PBX3: variants seen among roughly 807,000 people sequenced by gnomAD.
The protein encoded by PBX3 is PBX homeobox 3, also known as pre-B-cell leukemia transcription factor 3.
PBX3 carries 14 observed loss-of-function variants against 48.5 expected under a neutral mutation model. The ratio of observed to expected loss-of-function variants is 0.29; its 90% CI spans 0.19 to 0.45. The LOEUF is 0.45. PBX3 is among the 20% of genes least tolerant of loss of function. The pLI, the probability that PBX3 is intolerant of heterozygous loss-of-function variation, is 1.00. For synonymous variants in PBX3, 210 were observed against 200.3 expected, an observed-to-expected ratio of 1.05 and a Z score of -0.41; for missense variants, 386 against 546.7, an observed-to-expected ratio of 0.71 and a Z score of 2.93.
In PBX3 at chr9:125,759,878, A is replaced by T. The variant is rs1289496410; in HGVS notation, c.274+11255A>T. Among the ~76,000 whole-genome samples the T allele has an allele frequency of 1.3e-5, 2 of 152,196 alleles. No individual in the cohort carries two copies. The highest frequency in any genetic ancestry group is 2.9e-5 in the Non-Finnish European group (2 of 68,016). ...CAGAGGTGGTAAAATAGTTATCTTCAGGCAGTGGCAGCCAGGAGCTGCTTG... is the reference window on the plus strand; with the variant it reads ...CAGAGGTGGTAAAATAGTTATCTTCTGGCAGTGGCAGCCAGGAGCTGCTTG... On this transcript the variant is annotated intron_variant, in intron 2 of 8. Coordinates refer to ENST00000373489, the MANE Select transcript of PBX3 (RefSeq NM_006195.6). This position sits in a 1 kb window ranked among gnomAD's most constrained non-coding sequence, Gnocchi z 4.2.
intron 2 of PBX3, among the ~76,000 whole-genome samples, chr9:125,900,072 A>T (rs568902609): frequency 6.8e-4 from 103 of 151,808 alleles, no homozygotes; most frequent in African/African-American, 2.4e-3. Flanking sequence ...TAAACTTAAA[A>T]CTTAACTTTA....
At chr9:125,796,564 T>C (rs1017298922) in intron 2 of PBX3, among the ~76,000 whole-genome samples, 9 of 152,152 alleles carry the variant, frequency 5.9e-5, no homozygotes, top group Non-Finnish European at 1.2e-4. Context: ...GGAAAAGAGA[T>C]ATATTGTCTG....
chr9:125,843,904 A>G (rs1180978129), intron 2 of PBX3: 8 of 428,274 alleles, frequency 1.9e-5, no homozygotes, highest in Admixed American at 5.0e-5. Context: ...TTAATGTAGT[A>G]TGGAGAGATG....
chr9:125,813,011 C>T (rs564064836), intron 2 of PBX3, among the ~76,000 whole-genome samples: 7 of 152,152 alleles, frequency 4.6e-5, no homozygotes, highest in East Asian at 1.9e-4. Context: ...TGCATACTAC[C>T]GCACACTTTA....
At chr9:125,814,917 A>G (rs1362712076) in intron 2 of PBX3, among the ~76,000 whole-genome samples, 1 of 152,218 alleles carries the variant, frequency 6.6e-6, no homozygotes, top group Non-Finnish European at 1.5e-5. Context: ...TGAAAACACT[A>G]TTCCCAATTG....
At chr9:125,786,634 T>G (rs1837463864) in intron 2 of PBX3, among the ~76,000 whole-genome samples, 1 of 152,062 alleles carries the variant, frequency 6.6e-6, no homozygotes, top group Non-Finnish European at 1.5e-5. Context: ...GGAATAGAGT[T>G]AAGAGCACAA....
intron 2 of PBX3, among the ~76,000 whole-genome samples, chr9:125,838,031 T>C (rs1454158125): frequency 6.6e-6 from 1 of 152,094 alleles, no homozygotes; most frequent in Non-Finnish European, 1.5e-5. Context: ...TTTGATACCA[T>C]ATGGAAAAAA....
intron 2 of PBX3, among the ~76,000 whole-genome samples, chr9:125,907,489 A>C (rs1186416175): frequency 6.6e-6 from 1 of 152,106 alleles, no homozygotes; most frequent in Non-Finnish European, 1.5e-5. Flanking sequence ...TATGATTTAA[A>C]GTGAATACCA....
intron 2 of PBX3, among the ~76,000 whole-genome samples, chr9:125,888,793 A>G (rs573156689): frequency 2.2e-4 from 33 of 152,298 alleles, no homozygotes; most frequent in African/African-American, 6.7e-4. Context: ...TGGCAGGCCA[A>G]TATAGTAGTC....
chr9:125,824,272 T>A (rs1375870963), intron 2 of PBX3, among the ~76,000 whole-genome samples: 4 of 151,880 alleles, frequency 2.6e-5, no homozygotes, highest in African/African-American at 9.7e-5. Context: ...ACCACTAGAG[T>A]GAAAAATGAC....
At chr9:125,918,803 A>T (rs905982187) in intron 3 of PBX3, among the ~76,000 whole-genome samples, 1 of 152,168 alleles carries the variant, frequency 6.6e-6, no homozygotes, top group East Asian at 1.9e-4. Context: ...CTCCAAAGTT[A>T]TTAGGATCGG....
At chr9:125,935,424 G>A (rs1163568785) in intron 4 of PBX3, 48 bp from the exon 5 acceptor site, 4 of 1,591,592 alleles carry the variant, frequency 2.5e-6, no homozygotes, top group Non-Finnish European at 2.6e-6. Context: ...TCCCTCTTAG[G>A]TTAATGCTGA....
At chr9:125,852,940 C>T (rs1200537453) in intron 2 of PBX3, among the ~76,000 whole-genome samples, 1 of 152,122 alleles carries the variant, frequency 6.6e-6, no homozygotes, top group African/African-American at 2.4e-5. Flanking sequence ...ATACTTAATA[C>T]TCCAGCTTTG....
intron 4 of PBX3, among the ~76,000 whole-genome samples, chr9:125,930,452 A>G (rs1488848105): frequency 6.6e-6 from 1 of 152,192 alleles, no homozygotes; most frequent in Non-Finnish European, 1.5e-5. Flanking sequence ...GAGTGACAGA[A>G]CAGAAGAATT....
At chr9:125,750,258 T>C (rs1836334346) in intron 2 of PBX3, among the ~76,000 whole-genome samples, 1 of 152,234 alleles carries the variant, frequency 6.6e-6, no homozygotes, top group Non-Finnish European at 1.5e-5. Context: ...AGCCTTATAT[T>C]ACTAGGGAGA....
chr9:125,766,999 G>T (rs952502709), intron 2 of PBX3, among the ~76,000 whole-genome samples: 4 of 152,184 alleles, frequency 2.6e-5, no homozygotes, highest in Non-Finnish European at 5.9e-5. Flanking sequence ...ACTTCTCTGT[G>T]TTACAGTCAT....
intron 2 of PBX3, among the ~76,000 whole-genome samples, chr9:125,880,766 T>G (rs1840363176): frequency 6.6e-6 from 1 of 152,264 alleles, no homozygotes; most frequent in African/African-American, 2.4e-5. Flanking sequence ...AAAATGTTAA[T>G]GAAAATGTCA....
At chr9:125,779,898 C>G (rs1837200939) in intron 2 of PBX3, among the ~76,000 whole-genome samples, 1 of 128,420 alleles carries the variant, frequency 7.8e-6, no homozygotes, top group Non-Finnish European at 1.7e-5. Flanking sequence ...GCTGACCCCC[C>G]CACCTCCCTC....
intron 2 of PBX3, among the ~76,000 whole-genome samples, chr9:125,827,342 G>C (rs1032121277): frequency 1.3e-5 from 2 of 151,990 alleles, no homozygotes; most frequent in African/African-American, 4.8e-5. Flanking sequence ...CTCTGCTTTA[G>C]ACATTTATTT....
Sources: allele counts gnomAD v4.1 joint callset (sites outside exome capture counted in the v4.1 genomes callset), GRCh38; gene constraint gnomAD v4.1.1; non-coding constraint Gnocchi (gnomAD v3.1); transcripts MANE v1.5; gene names NCBI Gene and HGNC (gene_info 2026-07-23, HGNC 2026-07-21).